Variants in AMPD3 observed in about 807,000 individuals in gnomAD.
AMPD3 encodes adenosine monophosphate deaminase 3.
A neutral mutation model predicts 82.3 loss-of-function variants in AMPD3; 57 were observed. That is an observed-to-expected ratio of 0.69 (90% confidence interval 0.56 to 0.86). The LOEUF (loss-of-function observed/expected upper bound fraction) is 0.86, where lower values mean the gene tolerates loss of function less well. Ranked by LOEUF, AMPD3 falls within the 40% of genes least tolerant of loss-of-function variation. AMPD3 has a pLI of 0.00. For synonymous variants in AMPD3, 381 were observed against 394.7 expected (o/e 0.97, Z 0.41); for missense variants, 870 against 1,003.8 (o/e 0.87, Z 1.80).
intron 2 of AMPD3, among the ~76,000 whole-genome samples, chr11:10,472,632 T>G (rs1425291986): frequency 6.6e-6 from 1 of 152,162 alleles, no homozygotes; most frequent in Non-Finnish European, 1.5e-5. Context: ...AAAATAAGAA[T>G]GGGGAACTTT....
chr11:10,502,299 G>C (rs1035469664), intron 12 of AMPD3: 1 of 985,430 alleles, frequency 1.0e-6, no homozygotes, highest in Non-Finnish European at 1.2e-6. Context: ...CATCTCCCAG[G>C]AGCTGGAGTG....
At chr11:10,462,933 A>C (rs1270909709) in intron 2 of AMPD3, among the ~76,000 whole-genome samples, 2 of 152,182 alleles carry the variant, frequency 1.3e-5, no homozygotes, top group African/African-American at 4.8e-5. Flanking sequence ...TAAAGGAAGA[A>C]GTGCTGTGAC....
At chr11:10,471,984 C>G (rs1456665852) in intron 2 of AMPD3, among the ~76,000 whole-genome samples, 1 of 152,190 alleles carries the variant, frequency 6.6e-6, no homozygotes, top group African/African-American at 2.4e-5. Context: ...TCTATAAAGA[C>G]ACATGCACAC....
chr11:10,456,585 G>A lies in AMPD3; in HGVS notation c.-6+1137G>A, dbSNP rs567719846. ...TTCTAACTTTGGGACACTTCTTCAA[G>A]TTCATCAGAGCGTGTTGCATGTAAC... On this transcript the variant is annotated intron_variant, in intron 1 of 14. Coordinates refer to ENST00000396553, the MANE Select transcript of AMPD3 (RefSeq NM_001025389.2). The surrounding 1 kb of genome is among the most constrained non-coding windows in gnomAD (Gnocchi z 4.3). The A allele has an allele frequency of 1.4e-5, 14 of 985,490 alleles. No individual in the cohort carries two copies. The Admixed American group carries it at 4.3e-4, about 30-fold the overall frequency. 61.0% of individuals were successfully genotyped at this position (985,490 alleles called of 1,614,324 possible). A position where few individuals can be genotyped will look rare whatever the true frequency, so the allele number is the denominator to read the frequency against.
In AMPD3 at chr11:10,504,595, T is replaced by C. The variant is rs775875448; in HGVS notation, c.2063T>C (p.Leu688Pro). The C allele has an allele frequency of 1.2e-6, 2 of 1,614,194 alleles. No individual in the cohort carries two copies. The highest frequency in any genetic ancestry group is 8.5e-7 in the Non-Finnish European group (1 of 1,180,018). The change falls in exon 14 of 15, where the codon CTG becomes CCG. Residue 688 changes from leucine to proline, a missense_variant. Transcript: ENST00000396553. ...EYAIAAQVWK[L>P]STCDLCEIAR... is the part of the protein sequence containing the mutation. The stretch of plus-strand genomic sequence containing the variant: ...GCCATTGCAGCTCAAGTGTGGAAGC[T>C]GAGCACCTGCGACCTGTGTGAGATC...
chr11:10,461,581 C>G lies in AMPD3; in HGVS notation c.62C>G (p.Ala21Gly), dbSNP rs749940953. The stretch of plus-strand genomic sequence containing the variant: ...GTGGATGAGCAAGTCCGGCTCCTGG[C>G]GGAGAAGGTGTTTGCTAAAGTGCTC... ...SEVDEQVRLL[A>G]EKVFAKVLRE... is the part of the protein sequence containing the mutation. Residue 21 changes from alanine to glycine, a missense_variant, in exon 2 of 15, where the codon GCG becomes GGG. Transcript: ENST00000396553. 1.9e-6 allele frequency: 3 copies of G among 1,614,202 alleles called. No individual in the cohort carries two copies. The highest frequency in any genetic ancestry group is 1.7e-5 in the Admixed American group (1 of 60,026).
At chr11:10,486,759 A>C in intron 5 of AMPD3, 1 of 985,358 alleles carries the variant, frequency 1.0e-6, no homozygotes, top group Middle Eastern at 5.2e-4. Flanking sequence ...CTGGGCAACA[A>C]ACTCCTTCTT....
intron 6 of AMPD3, among the ~76,000 whole-genome samples, chr11:10,489,646 C>T (rs1049797752): frequency 1.3e-5 from 2 of 151,772 alleles, no homozygotes; most frequent in Non-Finnish European, 2.9e-5. Context: ...GGTCTGTGCC[C>T]GCCCCTGGGT....
chr11:10,493,666 TCTGA>T, intron 7 of AMPD3, 123 bp downstream of exon 7: 1 of 1,109,502 alleles, frequency 9.0e-7, no homozygotes, highest in South Asian at 1.3e-5. Context: ...TTCTCTTCTA[TCTGA>T]CTGAGAGGTC....
intron 14 of AMPD3, chr11:10,505,432 A>T: frequency 1.0e-6 from 1 of 985,256 alleles, no homozygotes; most frequent in Non-Finnish European, 1.2e-6. Flanking sequence ...CATCCCCAGC[A>T]GCTGCTGCAG....
At chr11:10,487,136 C>T in intron 5 of AMPD3, 99 bp from the exon 6 acceptor site, 1 of 1,595,852 alleles carries the variant, frequency 6.3e-7, no homozygotes, top group Non-Finnish European at 8.6e-7. Flanking sequence ...TCCGTCCTGA[C>T]CCTTCCAGCC....
At position 10,502,112 on chromosome 11, in the gene AMPD3, A is replaced by C. The variant is rs144111371; in HGVS notation, c.1842+522A>C. On this transcript the variant is annotated intron_variant, in intron 12 of 14. Coordinates refer to ENST00000396553, the MANE Select transcript of AMPD3 (RefSeq NM_001025389.2). ...ACTGGTGTACCCTTGAGCTCTGTGC[A>C]TACAGTCTTCTCCGTATTTTGGATC... 2,023 of 985,432 alleles carry C rather than the reference A, an allele frequency of 2.1e-3. 2 individuals carry two copies. Among genetic ancestry groups the C allele is most frequent in the Non-Finnish European group, 2.3e-3 (1,891 of 829,918 alleles). 61.0% of individuals were successfully genotyped at this position (985,432 alleles called of 1,614,324 possible). A position where few individuals can be genotyped will look rare whatever the true frequency, so the allele number is the denominator to read the frequency against.
Position 10,501,469 on chromosome 11 carries a change from G to C in AMPD3, c.1722-1G>C, listed in dbSNP as rs1849579591. ...TGATTCGGAAACCCCTTCTCTTACA[G>C]GGAGCGCGGCCTGAGCACGTTCCTG... On this transcript the variant is annotated splice_acceptor_variant, in intron 11 of 14. Coordinates refer to ENST00000396553, the MANE Select transcript of AMPD3 (RefSeq NM_001025389.2). LOFTEE classifies it high-confidence loss of function. 6.2e-7 allele frequency: 1 copy of C among 1,613,942 alleles called. No individual in the cohort carries two copies. Among genetic ancestry groups the C allele is most frequent in the Non-Finnish European group, 8.5e-7 (1 of 1,179,872 alleles).
chr11:10,504,780 AG>A (rs780992783), intron 14 of AMPD3, 121 bp downstream of exon 14: 59 of 935,928 alleles, frequency 6.3e-5, no homozygotes, highest in Non-Finnish European at 8.8e-5. Flanking sequence ...TGAGACACTC[AG>A]GCACAGGGAG....
At chr11:10,488,153 T>C in intron 6 of AMPD3, 1 of 951,732 alleles carries the variant, frequency 1.1e-6, no homozygotes, top group Non-Finnish European at 1.3e-6. Flanking sequence ...TGTCCGGGGC[T>C]CCTGGCAGTC....
rs772567174 is a variant in AMPD3, at chr11:10,484,994, C to T, written c.764C>T (p.Thr255Met). The T allele has an allele frequency of 8.7e-6, 14 of 1,613,920 alleles. No individual in the cohort carries two copies. Among genetic ancestry groups the T allele is most frequent in the Admixed American group, 5.0e-5 (3 of 60,008 alleles). ...CCCTACCCCGACCTGGAGACCTACA[C>T]GGTGGACATGAGCCACATCCTGGCT... is the stretch of plus-strand genomic sequence containing the variant. ...SLPYPDLETYTVDMSHILALI... is the reference protein window; with the variant it reads ...SLPYPDLETYMVDMSHILALI... Residue 255 changes from threonine (T) to methionine (M), a missense_variant, in exon 5 of 15, where the codon ACG (threonine) becomes ATG (methionine). Physicochemically the swap from Thr to Met is moderately conservative, Grantham distance 81. Transcript: ENST00000396553.
intron 10 of AMPD3, chr11:10,499,167 C>T (rs750075805): frequency 1.3e-5 from 2 of 152,442 alleles, no homozygotes; most frequent in Non-Finnish European, 2.9e-5. Flanking sequence ...AGAGTATTCT[C>T]TACCTACCGC....
intron 2 of AMPD3, among the ~76,000 whole-genome samples, chr11:10,465,869 G>A (rs1848406566): frequency 6.8e-6 from 1 of 147,076 alleles, no homozygotes; most frequent in African/African-American, 2.5e-5. Context: ...TGGAGCGCCA[G>A]CAAGACAGAA....
intron 8 of AMPD3, 138 bp downstream of exon 8, chr11:10,495,168 G>T: frequency 6.3e-7 from 1 of 1,593,028 alleles, no homozygotes; most frequent in East Asian, 2.3e-5. Context: ...GAGGTGCCCA[G>T]GTGCCCAGTG....
Sources: allele counts gnomAD v4.1 joint callset (sites outside exome capture counted in the v4.1 genomes callset), GRCh38; gene constraint gnomAD v4.1.1; non-coding constraint Gnocchi (gnomAD v3.1); transcripts MANE v1.5; gene names NCBI Gene and HGNC (gene_info 2026-07-23, HGNC 2026-07-21).